The following SETBP1 variants were observed in gnomAD, a reference collection of about 807,000 sequenced individuals.
SETBP1 encodes the protein SET-binding protein.
A neutral mutation model predicts 101.0 loss-of-function variants in SETBP1; 9 were observed. The observed-to-expected ratio is 0.09, with a 90% CI of 0.05 to 0.16. The LOEUF is 0.16. Among genes scored for constraint, SETBP1 ranks in the 10% least tolerant of loss-of-function variants. The probability of loss-of-function intolerance (pLI) is 1.00; values close to 1 mark genes in which losing one functional copy is unlikely to be tolerated. For synonymous variants in SETBP1, 818 were observed against 788.5 expected (o/e 1.04, Z -0.63); for missense variants, 1,858 against 2,033.8 (o/e 0.91, Z 1.66).
chr18:45,029,449 G>T (rs1363380238), intron 4 of SETBP1, among the ~76,000 whole-genome samples: 5 of 152,138 alleles, frequency 3.3e-5, no homozygotes, highest in Admixed American at 1.3e-4. Flanking sequence ...GTAGCGTGAT[G>T]CCTCCAGCTT....
chr18:44,892,889 C>T (rs2069805470), intron 3 of SETBP1, among the ~76,000 whole-genome samples: 1 of 152,094 alleles, frequency 6.6e-6, no homozygotes, highest in South Asian at 2.1e-4. Context: ...TTCACCTTCT[C>T]CTAGAATAGA....
At position 45,010,943 on chromosome 18, in the gene SETBP1, A is replaced by G. The variant is rs1173444041; in HGVS notation, c.4001-27542A>G. On this transcript the variant is annotated intron_variant, in intron 4 of 5. Coordinates refer to ENST00000649279, the MANE Select transcript of SETBP1 (RefSeq NM_015559.3). Reference sequence around the variant, plus strand: ...GTTCTAATTTTAAAAGGCAAATGATAATTTTATAACTGGATATTGATAGGA... The same window carrying G: ...GTTCTAATTTTAAAAGGCAAATGATGATTTTATAACTGGATATTGATAGGA... Among the ~76,000 whole-genome samples, 3 of 152,332 alleles carry G rather than the reference A, an allele frequency of 2.0e-5. No individual in the cohort carries two copies. In the East Asian group the frequency reaches 5.8e-4, roughly 29 times the overall value.
intron 3 of SETBP1, among the ~76,000 whole-genome samples, chr18:44,912,912 G>A (rs568206331): frequency 9.9e-5 from 15 of 152,142 alleles, no homozygotes; most frequent in East Asian, 3.9e-4. Context: ...TGCCTGTGTC[G>A]TCCCGGTGCT....
At chr18:44,681,373 C>T (rs1454287436) in intron 1 of SETBP1, among the ~76,000 whole-genome samples, 3 of 152,040 alleles carry the variant, frequency 2.0e-5, no homozygotes, top group African/African-American at 4.8e-5. Flanking sequence ...TAAACTGGAC[C>T]GGGCAGATCT....
At chr18:44,730,436 A>G (rs1041272669) in intron 2 of SETBP1, among the ~76,000 whole-genome samples, 2 of 152,196 alleles carry the variant, frequency 1.3e-5, no homozygotes, top group African/African-American at 4.8e-5. Context: ...TGCTATACAG[A>G]TATGTAGATG....
intron 2 of SETBP1, among the ~76,000 whole-genome samples, chr18:44,858,449 G>C (rs2073017649): frequency 6.6e-6 from 1 of 152,226 alleles, no homozygotes; most frequent in Non-Finnish European, 1.5e-5. Context: ...ATACAAGCAA[G>C]CAAGTTCCAG....
At chr18:44,991,343 TAAA>T (rs1322663457) in intron 4 of SETBP1, among the ~76,000 whole-genome samples, 2 of 151,688 alleles carry the variant, frequency 1.3e-5, no homozygotes, top group African/African-American at 4.8e-5. Context: ...ATAAAAGCTT[TAAA>T]AAGGCCAGAT....
chr18:44,815,402 C>A (rs563959511), intron 2 of SETBP1, among the ~76,000 whole-genome samples: 3 of 152,308 alleles, frequency 2.0e-5, no homozygotes, highest in African/African-American at 7.2e-5. Flanking sequence ...CAGCCCGTAT[C>A]TACTTTTCAG....
intron 3 of SETBP1, among the ~76,000 whole-genome samples, chr18:44,946,217 T>TCCA (rs2145072858): frequency 6.6e-6 from 1 of 152,262 alleles, no homozygotes; most frequent in African/African-American, 2.4e-5. Flanking sequence ...TTCCCTTTTG[T>TCCA]CCACCCTGCA....
At chr18:44,997,782 A>T (rs1449361462) in intron 4 of SETBP1, among the ~76,000 whole-genome samples, 1 of 152,178 alleles carries the variant, frequency 6.6e-6, no homozygotes, top group African/African-American at 2.4e-5. Flanking sequence ...GCCAATCAGC[A>T]CTAATTAGGA....
chr18:44,753,083 T>C (rs541632175), intron 2 of SETBP1, among the ~76,000 whole-genome samples: 1 of 152,348 alleles, frequency 6.6e-6, no homozygotes, highest in East Asian at 1.9e-4. Context: ...TACATTGCTA[T>C]ATTCTCTCTA....
intron 2 of SETBP1, among the ~76,000 whole-genome samples, chr18:44,842,421 A>G (rs1312223515): frequency 6.6e-6 from 1 of 152,226 alleles, no homozygotes; most frequent in Non-Finnish European, 1.5e-5. Flanking sequence ...TTATTGAAAC[A>G]GGAAAGCCCT....
intron 2 of SETBP1, among the ~76,000 whole-genome samples, chr18:44,775,895 T>A (rs191062311): frequency 1.3e-5 from 2 of 152,240 alleles, no homozygotes; most frequent in African/African-American, 4.8e-5. Flanking sequence ...TCAAGCCACT[T>A]TCTTTGCACT....
chr18:44,876,155 G>A (rs1313748306), intron 3 of SETBP1, among the ~76,000 whole-genome samples: 2 of 152,176 alleles, frequency 1.3e-5, no homozygotes, highest in Admixed American at 6.5e-5. Flanking sequence ...GAGAATCATA[G>A]TGGTGTTTGT....
chr18:44,929,159 C>G (rs1599334962), intron 3 of SETBP1, among the ~76,000 whole-genome samples: 1 of 152,146 alleles, frequency 6.6e-6, no homozygotes, highest in East Asian at 1.9e-4. Flanking sequence ...ATATGGCTAG[C>G]CAGTTTTCCC....
chr18:44,821,489 C>T (rs1462337928), intron 2 of SETBP1, among the ~76,000 whole-genome samples: 2 of 152,190 alleles, frequency 1.3e-5, no homozygotes, highest in African/African-American at 2.4e-5. Context: ...ATGGCACTTT[C>T]TCCCCTGTGC....
At chr18:44,915,002 A>T (rs981603383) in intron 3 of SETBP1, among the ~76,000 whole-genome samples, 16 of 152,080 alleles carry the variant, frequency 1.1e-4, no homozygotes, top group African/African-American at 3.9e-4. Context: ...AAAATTTACT[A>T]AGTTAATGGT....
At chr18:44,872,148 G>A (rs920159132) in intron 3 of SETBP1, 1 of 152,160 alleles carries the variant, frequency 6.6e-6, no homozygotes. Flanking sequence ...GCATTCCTAA[G>A]AGGAATAAGA....
At chr18:44,700,474 T>C (rs1234384522) in intron 1 of SETBP1, among the ~76,000 whole-genome samples, 3 of 152,230 alleles carry the variant, frequency 2.0e-5, no homozygotes, top group Non-Finnish European at 4.4e-5. Flanking sequence ...CTCTTTTGTG[T>C]CAGTAGAAAC....
Sources: allele counts gnomAD v4.1 joint callset (sites outside exome capture counted in the v4.1 genomes callset), GRCh38; gene constraint gnomAD v4.1.1; transcripts MANE v1.5; gene names NCBI Gene and HGNC (gene_info 2026-07-23, HGNC 2026-07-21).